The following CNEP1R1 variants were observed in gnomAD, a reference collection of about 807,000 sequenced individuals.
The protein encoded by CNEP1R1 is nuclear envelope phosphatase-regulatory subunit 1.
In CNEP1R1, 10 loss-of-function variants were observed where a neutral mutation model predicts 22.7. The observed-to-expected ratio is 0.44, with a 90% CI of 0.27 to 0.75. The LOEUF is 0.75. Ranked by LOEUF, CNEP1R1 falls within the 30% of genes least tolerant of loss-of-function variation. The probability of loss-of-function intolerance (pLI) is 0.17; values close to 1 mark genes in which losing one functional copy is unlikely to be tolerated. For synonymous variants in CNEP1R1, 53 were observed against 50.1 expected (o/e 1.06, Z -0.25); for missense variants, 73 against 151.5 (o/e 0.48, Z 2.72).
intron 4 of CNEP1R1, among the ~76,000 whole-genome samples, chr16:50,033,741 G>A (rs1314502346): frequency 6.6e-6 from 1 of 151,448 alleles, no homozygotes; most frequent in African/African-American, 2.4e-5. Context: ...GTCTGTGCCT[G>A]TAGTCCCAGC....
chr16:50,029,589 T>C, intron 2 of CNEP1R1, 136 bp from the exon 3 acceptor site: 1 of 494,660 alleles, frequency 2.0e-6, no homozygotes, highest in Non-Finnish European at 3.7e-6. Flanking sequence ...GCCTTCTAAT[T>C]CCTGAGTCTA....
chr16:50,025,487 C>T (rs2036172171), intron 1 of CNEP1R1, 147 bp downstream of exon 1: 2 of 1,102,362 alleles, frequency 1.8e-6, no homozygotes, highest in Admixed American at 5.2e-5. Context: ...GCGTAGGCGG[C>T]CGTACCTGGC....
rs368256579 is a variant in CNEP1R1 at position 50,032,295 on chromosome 16, G to A, written c.172-1102G>A. Among the ~76,000 whole-genome samples the A allele has an allele frequency of 2.2e-4, 33 of 152,180 alleles. 1 individual carries two copies. In the South Asian group the frequency reaches 6.0e-3, roughly 28 times the overall value. Reference sequence around the variant, plus strand: ...TGTCTCCAGTCAACGTTTCCATTTCGGTGCCTATTCTTATTCCAGTCATGG... The same window carrying A: ...TGTCTCCAGTCAACGTTTCCATTTCAGTGCCTATTCTTATTCCAGTCATGG... On this transcript the variant is annotated intron_variant, in intron 3 of 5. Coordinates refer to ENST00000427478, the MANE Select transcript of CNEP1R1 (RefSeq NM_001281789.2).
At position 50,034,306 on chromosome 16, in the gene CNEP1R1, T is replaced by C. The variant is rs888712060; in HGVS notation, c.336+150T>C. The C allele has an allele frequency of 6.8e-5, 41 of 599,736 alleles. 1 individual carries two copies. The South Asian group carries it at 7.5e-4, about 11-fold the overall frequency. 37.2% of individuals were successfully genotyped at this position (599,736 alleles called of 1,614,324 possible). ...TAGAGCATTGATTCTAAGGTACTTT[T>C]ACATTTAACATCTTTGGCATTGAGA... On this transcript the variant is annotated intron_variant, in intron 5 of 5. Coordinates refer to ENST00000427478, the MANE Select transcript of CNEP1R1 (RefSeq NM_001281789.2).
rs747297681 is a variant in CNEP1R1, at chr16:50,034,135, A to G, written c.315A>G (p.Glu105=). 4 of 1,590,040 alleles carry G rather than the reference A, an allele frequency of 2.5e-6. No individual in the cohort carries two copies. Among genetic ancestry groups the G allele is most frequent in the Non-Finnish European group, 2.6e-6 (3 of 1,166,578 alleles). ...CTCGATGTCGAACGGTATTAGCAGAATACAATATGTCTTGTGATGATGTAA... is the reference window on the plus strand; with the variant it reads ...CTCGATGTCGAACGGTATTAGCAGAGTACAATATGTCTTGTGATGATGTAA... The part of the protein sequence containing the change: ...IAARCRTVLA[E]YNMSCDDTGK... Residue 105 remains glutamate (E), a synonymous_variant, in exon 5 of 6, where the codon GAA becomes GAG. Transcript: ENST00000427478.
intron 1 of CNEP1R1, 184 bp from the exon 2 acceptor site, chr16:50,026,212 T>G: frequency 4.1e-6 from 2 of 483,074 alleles, no homozygotes; most frequent in Admixed American, 3.6e-5. Flanking sequence ...TAATTTTTTG[T>G]CAAGTGCTTA....
At chr16:50,034,480 C>A in intron 5 of CNEP1R1, 1 of 324,348 alleles carries the variant, frequency 3.1e-6, no homozygotes. Context: ...AAAAATGGCT[C>A]AGCGGATATT....
At chr16:50,028,175 GGTGTCAAACTCCTCACCTCAGGTGAT>G (rs1158315757) in intron 2 of CNEP1R1, among the ~76,000 whole-genome samples, 1 of 152,108 alleles carries the variant, frequency 6.6e-6, no homozygotes, top group Non-Finnish European at 1.5e-5. Context: ...TGGCCAGGCT[GGTGTCAAACTCCTCACCTCAGGTGAT>G]CCTCCCATCC....
At chr16:50,030,739 G>C (rs901167341) in intron 3 of CNEP1R1, among the ~76,000 whole-genome samples, 1 of 152,160 alleles carries the variant, frequency 6.6e-6, no homozygotes, top group African/African-American at 2.4e-5. Flanking sequence ...AGTTAATTCT[G>C]TGATTTTCAT....
At chr16:50,031,969 G>C (rs1224781984) in intron 3 of CNEP1R1, among the ~76,000 whole-genome samples, 4 of 152,218 alleles carry the variant, frequency 2.6e-5, no homozygotes. Flanking sequence ...TGGCTTATGA[G>C]AAACTCCTCG....
intron 1 of CNEP1R1, chr16:50,026,137 T>G (rs2036180800): frequency 6.6e-6 from 3 of 457,522 alleles, no homozygotes; most frequent in Admixed American, 7.5e-5. Context: ...CCCAATACCA[T>G]TTATGAAGCT....
chr16:50,033,471 T>C lies in CNEP1R1; in HGVS notation c.246T>C (p.Phe82=), dbSNP rs1234023602. 1 of 1,596,194 alleles carries C rather than the reference T, an allele frequency of 6.3e-7. No homozygotes were observed. Among genetic ancestry groups the C allele is most frequent in the South Asian group, 1.1e-5 (1 of 90,252 alleles). Reference sequence around the variant, plus strand: ...GTATCACTCTAATAGGCTTGTTCTTTGCTGGAATACACAAGAGAGTAGTTG... The same window carrying C: ...GTATCACTCTAATAGGCTTGTTCTTCGCTGGAATACACAAGAGAGTAGTTG... ...ISCITLIGLF[F]AGIHKRVVAP... Residue 82 remains phenylalanine (F), a synonymous_variant, in exon 4 of 6, where the codon TTT becomes TTC. Coordinates refer to ENST00000427478, the MANE Select transcript of CNEP1R1 (RefSeq NM_001281789.2).
At chr16:50,033,553 G>C in intron 4 of CNEP1R1, 47 bp downstream of exon 4, 1 of 1,055,452 alleles carries the variant, frequency 9.5e-7, no homozygotes, top group Non-Finnish European at 1.4e-6. Flanking sequence ...GTGCTTTGTT[G>C]ATCTAGGTAA....
chr16:50,035,957 A>G lies in CNEP1R1; in HGVS notation c.*499A>G, dbSNP rs2036273436. The G allele has an allele frequency of 6.5e-6, 1 of 153,422 alleles. No homozygotes were observed. The highest frequency in any genetic ancestry group is 1.5e-5 in the Non-Finnish European group (1 of 68,644). 9.5% of individuals were successfully genotyped at this position (153,422 alleles called of 1,614,324 possible). On this transcript the variant is annotated 3_prime_UTR_variant, in exon 6 of 6. Coordinates refer to ENST00000427478, the MANE Select transcript of CNEP1R1 (RefSeq NM_001281789.2). ...TTACATTTCTAATCATACTGCAGGA[A>G]AAACATTGGATTCAGCTTAGACTGA...
chr16:50,034,081 C>G lies in CNEP1R1; in HGVS notation c.282-21C>G, dbSNP rs767034128. 1.9e-6 allele frequency: 3 copies of G among 1,576,228 alleles called. No homozygotes were observed. In the South Asian group the frequency reaches 3.5e-5, roughly 18 times the overall value. ...GCATACTCTTGAAATGAGAAATTTT[C>G]CTTTGACCACATGTATTCAGTATAG... On this transcript the variant is annotated intron_variant, in intron 4 of 5. Coordinates refer to ENST00000427478, the MANE Select transcript of CNEP1R1 (RefSeq NM_001281789.2).
chr16:50,035,376 G>C (rs2036266615), intron 5 of CNEP1R1, 41 bp from the exon 6 acceptor site: 1 of 1,169,864 alleles, frequency 8.5e-7, no homozygotes, highest in African/African-American at 1.5e-5. Flanking sequence ...ATTTTTACTA[G>C]AACTGTGTAT....
intron 3 of CNEP1R1, among the ~76,000 whole-genome samples, chr16:50,032,431 T>TG (rs1250380708): frequency 1.3e-5 from 2 of 152,248 alleles, no homozygotes; most frequent in Non-Finnish European, 2.9e-5. Context: ...TCCTTCGTTC[T>TG]AGTTCTTTAT....
At chr16:50,025,393 G>T in intron 1 of CNEP1R1, 53 bp downstream of exon 1, 20 of 1,416,590 alleles carry the variant, frequency 1.4e-5, no homozygotes, top group Non-Finnish European at 1.8e-5. Context: ...AGCTGGCGGT[G>T]CTCCGGAGGA....
chr16:50,031,675 A>G (rs1264728901), intron 3 of CNEP1R1, among the ~76,000 whole-genome samples: 1 of 152,236 alleles, frequency 6.6e-6, no homozygotes, highest in African/African-American at 2.4e-5. Flanking sequence ...TTGGCTCTTT[A>G]TATTTCAGTA....
Sources: allele counts gnomAD v4.1 joint callset (sites outside exome capture counted in the v4.1 genomes callset), GRCh38; gene constraint gnomAD v4.1.1; transcripts MANE v1.5; gene names NCBI Gene and HGNC (gene_info 2026-07-23, HGNC 2026-07-21).